Variants in ARL8B observed in about 807,000 individuals in gnomAD.
ARL8B encodes ARF like GTPase 8B.
In ARL8B, 9 loss-of-function variants were observed where a neutral mutation model predicts 30.6. The ratio of observed to expected loss-of-function variants is 0.29; its 90% CI spans 0.18 to 0.51. ARL8B has a LOEUF of 0.51. Among genes scored for constraint, ARL8B ranks in the 20% least tolerant of loss-of-function variants. The pLI is 0.97. For synonymous variants in ARL8B, 74 were observed against 76.0 expected (o/e 0.97, Z 0.14); for missense variants, 130 against 227.2 (o/e 0.57, Z 2.75).
At chr3:5,142,585 T>G (rs1335321420) in intron 1 of ARL8B, among the ~76,000 whole-genome samples, 3 of 152,158 alleles carry the variant, frequency 2.0e-5, no homozygotes, top group African/African-American at 7.2e-5. Flanking sequence ...TTTGATCCAT[T>G]TGACCCAGGC....
chr3:5,139,465 T>A (rs2054353675), intron 1 of ARL8B, among the ~76,000 whole-genome samples: 1 of 152,224 alleles, frequency 6.6e-6, no homozygotes, highest in South Asian at 2.1e-4. Context: ...ATGGAGATGT[T>A]GTCACCTGGC....
chr3:5,170,467 T>G, intron 1 of ARL8B, 36 bp from the exon 2 acceptor site: 1 of 1,449,292 alleles, frequency 6.9e-7, no homozygotes, highest in Non-Finnish European at 9.6e-7. Flanking sequence ...TCATTATAAG[T>G]GAGTAGCCTA....
At chr3:5,166,705 TC>T (rs1438892364) in intron 1 of ARL8B, among the ~76,000 whole-genome samples, 1 of 152,196 alleles carries the variant, frequency 6.6e-6, no homozygotes, top group Non-Finnish European at 1.5e-5. Flanking sequence ...TCTTCAGTCT[TC>T]CTGCTGTTAA....
chr3:5,153,421 C>A (rs1317848355), intron 1 of ARL8B, among the ~76,000 whole-genome samples: 1 of 152,132 alleles, frequency 6.6e-6, no homozygotes, highest in East Asian at 1.9e-4. Context: ...TGCCTGCTGC[C>A]ATCCATGTAA....
chr3:5,178,540 A>G, intron 6 of ARL8B, 124 bp from the exon 7 acceptor site: 1 of 800,792 alleles, frequency 1.2e-6, no homozygotes, highest in Non-Finnish European at 2.0e-6. Flanking sequence ...GGTAATGCAG[A>G]TGCAGAAAAG....
intron 6 of ARL8B, among the ~76,000 whole-genome samples, chr3:5,175,834 C>T (rs2054724878): frequency 6.6e-6 from 1 of 152,184 alleles, no homozygotes; most frequent in African/African-American, 2.4e-5. Context: ...CTGTAGTTGT[C>T]TCTGTGTCAG....
At position 5,122,322 on chromosome 3, in the gene ARL8B, T is replaced by C; in HGVS notation, c.-144T>C. The C allele has an allele frequency of 1.3e-6, 2 of 1,524,912 alleles. No individual in the cohort carries two copies. Among genetic ancestry groups the C allele is most frequent in the Non-Finnish European group, 1.8e-6 (2 of 1,137,370 alleles). 94.5% of individuals were successfully genotyped at this position (1,524,912 alleles called of 1,614,324 possible). ...ATCCGCTCGGCTTCCTGGGTCTGGCTGCTGCCGCCCGCCGGTGTCCGCCCG... is the reference window on the plus strand; with the variant it reads ...ATCCGCTCGGCTTCCTGGGTCTGGCCGCTGCCGCCCGCCGGTGTCCGCCCG... On this transcript the variant is annotated 5_prime_UTR_variant, in exon 1 of 7. Coordinates refer to ENST00000256496, the MANE Select transcript of ARL8B (RefSeq NM_018184.3).
chr3:5,170,727 GTTGT>G, intron 2 of ARL8B, 144 bp downstream of exon 2: 1 of 577,374 alleles, frequency 1.7e-6, no homozygotes. Context: ...TTTTTTTGTT[GTTGT>G]TTTTTTGTTT....
intron 1 of ARL8B, chr3:5,128,519 T>C (rs1426736650): frequency 2.3e-6 from 1 of 442,344 alleles, no homozygotes; most frequent in Non-Finnish European, 4.5e-6. Flanking sequence ...CAATAATGCA[T>C]TCTAAATGCC....
At chr3:5,166,526 C>T (rs1307434647) in intron 1 of ARL8B, among the ~76,000 whole-genome samples, 1 of 151,284 alleles carries the variant, frequency 6.6e-6, no homozygotes, top group Non-Finnish European at 1.5e-5. Context: ...TTAGTAGAGG[C>T]AGGGTTTCAC....
At chr3:5,135,299 A>AT (rs58186772) in intron 1 of ARL8B, among the ~76,000 whole-genome samples, 57,505 of 149,832 alleles carry the variant, frequency 0.38, 11,600 homozygotes, top group African/African-American at 0.54. Context: ...TTATTTATTT[A>AT]TTTTTTTTTG....
rs1387213487 is a variant in ARL8B, at chr3:5,178,821, C to T, written c.*108C>T. On this transcript the variant is annotated 3_prime_UTR_variant, in exon 7 of 7. Transcript: ENST00000256496. ...GGTCCTTCCTAAACCCCAGAAATTG[C>T]CTTTTTCAGAGTTTATTTCTCATGT... The T allele has an allele frequency of 3.2e-6, 5 of 1,557,642 alleles. No individual in the cohort carries two copies. The highest frequency in any genetic ancestry group is 4.6e-5 in the East Asian group (2 of 43,932).
At chr3:5,164,284 C>T (rs1287741035) in intron 1 of ARL8B, among the ~76,000 whole-genome samples, 4 of 152,110 alleles carry the variant, frequency 2.6e-5, no homozygotes, top group African/African-American at 7.2e-5. Context: ...TGATTCTGTT[C>T]ATGAATTTTA....
intron 1 of ARL8B, among the ~76,000 whole-genome samples, chr3:5,133,821 C>T (rs1374356590): frequency 6.6e-6 from 1 of 152,034 alleles, no homozygotes; most frequent in Non-Finnish European, 1.5e-5. Flanking sequence ...GTCTGTGGTC[C>T]TAGCTGCCGG....
intron 1 of ARL8B, among the ~76,000 whole-genome samples, chr3:5,145,236 G>T (rs1449511883): frequency 2.0e-5 from 3 of 152,144 alleles, no homozygotes; most frequent in African/African-American, 7.2e-5. Context: ...TCTCTCCTTT[G>T]TATAGGAAAC....
At chr3:5,133,434 A>G (rs1032180892) in intron 1 of ARL8B, among the ~76,000 whole-genome samples, 1 of 152,328 alleles carries the variant, frequency 6.6e-6, no homozygotes, top group African/African-American at 2.4e-5. Context: ...AGGAGGGGAA[A>G]GGTACGCATT....
chr3:5,172,210 G>A lies in ARL8B; in HGVS notation c.265G>A (p.Val89Ile). 1 of 1,613,070 alleles carries A rather than the reference G, an allele frequency of 6.2e-7. No individual in the cohort carries two copies. Among genetic ancestry groups the A allele is most frequent in the South Asian group, 1.1e-5 (1 of 90,896 alleles). Residue 89 changes from valine (V) to isoleucine (I), a missense_variant, in exon 3 of 7, where the codon GTC (valine) becomes ATC (isoleucine). Physicochemically the swap from Val to Ile is conservative, Grantham distance 29 (BLOSUM62 3). Coordinates refer to ENST00000256496, the MANE Select transcript of ARL8B (RefSeq NM_018184.3). Reference sequence around the variant, plus strand: ...CATGTGGGAGCGGTATTGCAGAGGAGTCAATGCTATTGTGTAAGTGGTTTT... The same window carrying A: ...CATGTGGGAGCGGTATTGCAGAGGAATCAATGCTATTGTGTAAGTGGTTTT... ...RSMWERYCRG[V>I]NAIVYMIDAA...
intron 6 of ARL8B, among the ~76,000 whole-genome samples, chr3:5,177,005 T>C (rs768315686): frequency 7.9e-5 from 12 of 152,326 alleles, no homozygotes; most frequent in Middle Eastern, 3.4e-3. Context: ...TGTGGCAAGG[T>C]TGAGAAATCC....
At chr3:5,155,060 C>T (rs2054520047) in intron 1 of ARL8B, among the ~76,000 whole-genome samples, 1 of 152,204 alleles carries the variant, frequency 6.6e-6, no homozygotes, top group Admixed American at 6.5e-5. Context: ...TCATTTCAAC[C>T]TGCAGAATTC....
Sources: allele counts gnomAD v4.1 joint callset (sites outside exome capture counted in the v4.1 genomes callset), GRCh38; gene constraint gnomAD v4.1.1; transcripts MANE v1.5; gene names NCBI Gene and HGNC (gene_info 2026-07-23, HGNC 2026-07-21).